The following UHMK1 variants were observed in gnomAD, a reference collection of about 807,000 sequenced individuals.
UHMK1 encodes the protein serine/threonine-protein kinase Kist.
UHMK1 carries 18 observed loss-of-function variants against 44.0 expected under a neutral mutation model. That is an observed-to-expected ratio of 0.41 (90% confidence interval 0.28 to 0.61). The LOEUF (loss-of-function observed/expected upper bound fraction) is 0.61, where lower values mean the gene tolerates loss of function less well. Ranked by LOEUF, UHMK1 falls within the 20% of genes least tolerant of loss-of-function variation. The pLI is 0.31. For missense variants in UHMK1, 463 were observed against 522.5 expected (o/e 0.89, Z 1.11); for synonymous variants, 231 against 198.5 (o/e 1.16, Z -1.38).
At chr1:162,512,326 A>C (rs1651695574) in intron 4 of UHMK1, among the ~76,000 whole-genome samples, 174 bp from the exon 5 acceptor site, 2 of 152,060 alleles carry the variant, frequency 1.3e-5, no homozygotes, top group African/African-American at 4.8e-5. Context: ...ATGTATCATG[A>C]ATTACTAAAC....
chr1:162,497,268 G>C (rs1003257930), upstream of UHMK1: 7 of 702,620 alleles, frequency 1.0e-5, no homozygotes, highest in Admixed American at 1.4e-4. Context: ...TTACCAGACC[G>C]AAGGTCTGTG....
chr1:162,520,447 G>C (rs551707926), intron 7 of UHMK1, among the ~76,000 whole-genome samples: 6 of 152,292 alleles, frequency 3.9e-5, no homozygotes, highest in African/African-American at 1.4e-4. Flanking sequence ...GGTCAAATCA[G>C]ATTTTTAAAA....
rs1451854929 is a variant in UHMK1, at chr1:162,525,625, A to G, written c.*3075A>G. On this transcript the variant is annotated 3_prime_UTR_variant, in exon 8 of 8. Coordinates refer to ENST00000489294, the MANE Select transcript of UHMK1 (RefSeq NM_175866.5). The stretch of plus-strand genomic sequence containing the variant: ...ACCTCAGTAAGAGACAGCATTAACT[A>G]AAAGTACTGACTGCCTTTTAAAGGA... 2 of 152,246 alleles carry G rather than the reference A, an allele frequency of 1.3e-5. No individual in the cohort carries two copies. The highest frequency in any genetic ancestry group is 2.9e-5 in the Non-Finnish European group (2 of 68,046). The allele number at this position is 152,246 out of a possible 1,614,324, so 9.4% of individuals were successfully genotyped here.
intron 6 of UHMK1, among the ~76,000 whole-genome samples, chr1:162,517,875 A>T (rs1161149762): frequency 2.7e-5 from 4 of 149,116 alleles, no homozygotes; most frequent in Admixed American, 6.7e-5. Context: ...ACTCTGTCTA[A>T]AAAAAAAAAG....
chr1:162,507,607 T>TA (rs1314527991), intron 4 of UHMK1, among the ~76,000 whole-genome samples: 1 of 137,530 alleles, frequency 7.3e-6, no homozygotes, highest in African/African-American at 2.7e-5. Flanking sequence ...TTTTTTGTGA[T>TA]ACGGAGTCTC....
At chr1:162,502,875 G>A (rs973520225) in intron 3 of UHMK1, among the ~76,000 whole-genome samples, 1 of 152,136 alleles carries the variant, frequency 6.6e-6, no homozygotes, top group Non-Finnish European at 1.5e-5. Context: ...GACTACTGAG[G>A]TTAATAAAGA....
At position 162,499,971 on chromosome 1, in the gene UHMK1, G is replaced by A. The variant is rs777368459; in HGVS notation, c.285G>A (p.Val95=). Residue 95 remains valine, a synonymous_variant, in exon 2 of 8, where the codon GTG becomes GTA. Coordinates refer to ENST00000489294, the MANE Select transcript of UHMK1 (RefSeq NM_175866.5). ...GHRNIVTLYG[V]FTIHFSPNVP... ...TTTTTCTAGTGACTTTGTATGGAGTGTTTACAATCCACTTTTCTCCAAATG... is the reference window on the plus strand; with the variant it reads ...TTTTTCTAGTGACTTTGTATGGAGTATTTACAATCCACTTTTCTCCAAATG... 2.5e-6 allele frequency: 4 copies of A among 1,614,166 alleles called. No individual in the cohort carries two copies. In the South Asian group the frequency reaches 4.4e-5, roughly 18 times the overall value.
upstream of UHMK1, among the ~76,000 whole-genome samples, chr1:162,497,487 G>C (rs879699045): frequency 4.6e-5 from 7 of 152,168 alleles, no homozygotes; most frequent in Admixed American, 1.3e-4. Flanking sequence ...CCGTGGACCT[G>C]GAGGTGATGG....
At chr1:162,503,955 A>C in intron 4 of UHMK1, 107 bp downstream of exon 4, 2 of 819,058 alleles carry the variant, frequency 2.4e-6, no homozygotes, top group South Asian at 4.1e-5. Context: ...TGTAAGGAAC[A>C]TAAGTAATGA....
Position 162,522,573 on chromosome 1 carries a change from CT to C in UHMK1, c.*28del. 2 of 1,603,824 alleles carry C rather than the reference CT, an allele frequency of 1.2e-6. No homozygotes were observed. Among genetic ancestry groups the C allele is most frequent in the Non-Finnish European group, 1.7e-6 (2 of 1,175,484 alleles). On this transcript the variant is annotated 3_prime_UTR_variant, in exon 8 of 8. Coordinates refer to ENST00000489294, the MANE Select transcript of UHMK1 (RefSeq NM_175866.5). Reference sequence around the variant, plus strand: ...TAATCAGTAACCTAAGGACTGTTTCCTTTTTCTCCTCTTCCATTTCTTGGGT... The same window carrying C: ...TAATCAGTAACCTAAGGACTGTTTCCTTTTCTCCTCTTCCATTTCTTGGGT...
rs1652216285 is a variant in UHMK1 at position 162,525,566 on chromosome 1, T to A, written c.*3016T>A. 1 of 152,220 alleles carries A rather than the reference T, an allele frequency of 6.6e-6. No homozygotes were observed. Among genetic ancestry groups the A allele is most frequent in the South Asian group, 2.1e-4 (1 of 4,830 alleles). 9.4% of individuals were successfully genotyped at this position (152,220 alleles called of 1,614,324 possible). On this transcript the variant is annotated 3_prime_UTR_variant, in exon 8 of 8. Transcript: ENST00000489294. ...AGCTAGCCACTGTCAAAACTAATGC[T>A]GTATTTACAGGACAAAAACAAGTAG...
At chr1:162,518,312 T>A in intron 7 of UHMK1, 122 bp downstream of exon 7, 1 of 629,194 alleles carries the variant, frequency 1.6e-6, no homozygotes, top group Non-Finnish European at 2.8e-6. Flanking sequence ...TTTTGCATTT[T>A]AATGATTTTT....
intron 1 of UHMK1, 41 bp from the exon 2 acceptor site, chr1:162,499,914 T>G: frequency 6.3e-7 from 1 of 1,597,812 alleles, no homozygotes; most frequent in Non-Finnish European, 8.5e-7. Context: ...AGTGACTTAC[T>G]CTGAGTCTGA....
At chr1:162,511,318 C>T (rs1651662819) in intron 4 of UHMK1, among the ~76,000 whole-genome samples, 2 of 148,436 alleles carry the variant, frequency 1.3e-5, no homozygotes, top group Admixed American at 1.4e-4. Context: ...AGATGCATGC[C>T]ACCACACCAG....
At chr1:162,507,581 C>CTTTTTTTTTTTTT (rs548617627) in intron 4 of UHMK1, among the ~76,000 whole-genome samples, 1 of 133,220 alleles carries the variant, frequency 7.5e-6, no homozygotes. Context: ...CCCATTCTTT[C>CTTTTTTTTTTTTT]TTTTTTTTTT....
chr1:162,503,678 C>T, intron 3 of UHMK1, 76 bp from the exon 4 acceptor site: 1 of 911,608 alleles, frequency 1.1e-6, no homozygotes, highest in South Asian at 1.7e-5. Context: ...ATTTTACTCT[C>T]AAATAGTGCT....
At chr1:162,509,929 G>A (rs1418896181) in intron 4 of UHMK1, among the ~76,000 whole-genome samples, 1 of 151,878 alleles carries the variant, frequency 6.6e-6, no homozygotes, top group East Asian at 1.9e-4. Flanking sequence ...ACAGGCGTGA[G>A]CCACCACGCC....
rs1490006424 is a variant in UHMK1 at position 162,523,983 on chromosome 1, C to A, written c.*1433C>A. On this transcript the variant is annotated 3_prime_UTR_variant, in exon 8 of 8. Coordinates refer to ENST00000489294, the MANE Select transcript of UHMK1 (RefSeq NM_175866.5). ...GTTTTTAGAATTATAATTATGGATT[C>A]TTCTTATTTCATGGTAGGTTGTCTT... The A allele has an allele frequency of 6.6e-6, 1 of 151,762 alleles. No homozygotes were observed. The highest frequency in any genetic ancestry group is 2.1e-4 in the South Asian group (1 of 4,818). The allele number at this position is 151,762 out of a possible 1,614,324, so 9.4% of individuals were successfully genotyped here. A position where few individuals can be genotyped will look rare whatever the true frequency, so the allele number is the denominator to read the frequency against.
chr1:162,515,535 C>T (rs1000558355), intron 6 of UHMK1, among the ~76,000 whole-genome samples: 3 of 151,468 alleles, frequency 2.0e-5, no homozygotes, highest in African/African-American at 4.9e-5. Flanking sequence ...AGTCTGTGAC[C>T]ATTTTAAGAG....
Sources: allele counts gnomAD v4.1 joint callset (sites outside exome capture counted in the v4.1 genomes callset), GRCh38; gene constraint gnomAD v4.1.1; transcripts MANE v1.5; gene names NCBI Gene and HGNC (gene_info 2026-07-23, HGNC 2026-07-21).